INPP4B: variants seen among roughly 807,000 people sequenced by gnomAD.
INPP4B encodes inositol polyphosphate 4-phosphatase type II.
Under a neutral mutation model 122.5 loss-of-function variants are expected in INPP4B, and 55 were observed. The observed-to-expected ratio is 0.45, with a 90% CI of 0.36 to 0.56. The LOEUF is 0.56. INPP4B is among the 20% of genes least tolerant of loss of function. The pLI is 0.00. For synonymous variants in INPP4B, 403 were observed against 388.7 expected, an observed-to-expected ratio of 1.04 and a Z score of -0.43; for missense variants, 1,000 against 1,097.7, an observed-to-expected ratio of 0.91 and a Z score of 1.26.
chr4:142,301,216 C>G (rs1053575782), intron 9 of INPP4B, among the ~76,000 whole-genome samples: 1 of 152,112 alleles, frequency 6.6e-6, no homozygotes, highest in Non-Finnish European at 1.5e-5. Context: ...GCTAGCATTA[C>G]ATTTAGCATC....
At chr4:142,443,248 T>C (rs1024731594) in intron 3 of INPP4B, among the ~76,000 whole-genome samples, 8 of 152,148 alleles carry the variant, frequency 5.3e-5, no homozygotes, top group Non-Finnish European at 7.4e-5. Context: ...CTAAAGGGTC[T>C]TCTTTATGGA....
At chr4:142,467,451 GCCAATTTTT>G in intron 2 of INPP4B, among the ~76,000 whole-genome samples, 1 of 152,060 alleles carries the variant, frequency 6.6e-6, no homozygotes. Flanking sequence ...CCCCTTTTTG[GCCAATTTTT>G]CCCCTTTTGG....
intron 11 of INPP4B, among the ~76,000 whole-genome samples, chr4:142,249,978 ATAAT>A (rs1236898808): frequency 6.6e-6 from 1 of 152,232 alleles, no homozygotes; most frequent in Non-Finnish European, 1.5e-5. Context: ...AAATAAGCAA[ATAAT>A]TAGAGATAAG....
At chr4:142,561,641 G>A (rs1180512763) in intron 2 of INPP4B, among the ~76,000 whole-genome samples, 2 of 151,922 alleles carry the variant, frequency 1.3e-5, no homozygotes, top group Non-Finnish European at 2.9e-5. Context: ...GGCTGGTCTC[G>A]AACTCCTGAA....
chr4:142,452,469 A>G (rs1482672476), intron 3 of INPP4B, among the ~76,000 whole-genome samples: 1 of 152,196 alleles, frequency 6.6e-6, no homozygotes, highest in Non-Finnish European at 1.5e-5. Flanking sequence ...TGGAATCTCC[A>G]TCTGTTCTTT....
intron 1 of INPP4B, among the ~76,000 whole-genome samples, chr4:142,815,417 A>G (rs1780000177): frequency 6.6e-6 from 1 of 152,202 alleles, no homozygotes; most frequent in Non-Finnish European, 1.5e-5. Context: ...TGTGCAATGC[A>G]TGGAAACTCT....
At chr4:142,143,776 T>C (rs1809127329) in intron 18 of INPP4B, among the ~76,000 whole-genome samples, 2 of 152,082 alleles carry the variant, frequency 1.3e-5, no homozygotes, top group Admixed American at 1.3e-4. Flanking sequence ...ATTACAGCAC[T>C]ATGATAGTAC....
intron 2 of INPP4B, among the ~76,000 whole-genome samples, chr4:142,606,726 G>A (rs1025125508): frequency 2.0e-5 from 3 of 152,054 alleles, no homozygotes; most frequent in Admixed American, 1.3e-4. Context: ...GGAAGCTGCT[G>A]GCAATGTTTC....
chr4:142,290,110 C>T (rs1313024003), intron 9 of INPP4B, among the ~76,000 whole-genome samples: 1 of 151,066 alleles, frequency 6.6e-6, no homozygotes. Context: ...AAGCTTTACT[C>T]AGAGTAAAGG....
At chr4:142,051,834 C>G (rs1754775842) in intron 25 of INPP4B, among the ~76,000 whole-genome samples, 1 of 151,870 alleles carries the variant, frequency 6.6e-6, no homozygotes, top group Non-Finnish European at 1.5e-5. Flanking sequence ...ATTTAGATAT[C>G]ATTTTGTTTT....
At chr4:142,215,087 A>G (rs746823922) in intron 12 of INPP4B, among the ~76,000 whole-genome samples, 3 of 152,200 alleles carry the variant, frequency 2.0e-5, no homozygotes, top group Non-Finnish European at 4.4e-5. Flanking sequence ...CAGAGTTCAT[A>G]TAAGATTCAT....
intron 1 of INPP4B, among the ~76,000 whole-genome samples, chr4:142,756,901 A>G (rs769372883): frequency 4.6e-5 from 7 of 152,122 alleles, no homozygotes; most frequent in Non-Finnish European, 1.0e-4. Flanking sequence ...GTCCCAGAAA[A>G]TGTAGTGTAC....
chr4:142,537,797 A>T (rs1162484604), intron 2 of INPP4B, among the ~76,000 whole-genome samples: 2 of 149,912 alleles, frequency 1.3e-5, no homozygotes, highest in African/African-American at 2.5e-5. Flanking sequence ...GGAGGGGGAA[A>T]ATATAAAAAG....
intron 2 of INPP4B, among the ~76,000 whole-genome samples, chr4:142,709,634 T>C (rs1762876129): frequency 1.3e-5 from 2 of 152,168 alleles, no homozygotes; most frequent in South Asian, 2.1e-4. Context: ...GAGTGTAAGT[T>C]TCCTGAGGCC....
At chr4:142,167,231 T>C (rs1823232560) in intron 16 of INPP4B, among the ~76,000 whole-genome samples, 1 of 151,838 alleles carries the variant, frequency 6.6e-6, no homozygotes, top group Non-Finnish European at 1.5e-5. Flanking sequence ...AACAAGATCA[T>C]GTCCTTTGCA....
chr4:142,617,104 A>G (rs960335188), intron 2 of INPP4B, among the ~76,000 whole-genome samples: 1 of 152,144 alleles, frequency 6.6e-6, no homozygotes, highest in African/African-American at 2.4e-5. Context: ...TAGAATAAAA[A>G]TTTAAAAAAT....
intron 2 of INPP4B, among the ~76,000 whole-genome samples, chr4:142,609,187 T>C (rs1364923): frequency 0.59 from 89,503 of 150,848 alleles, 27,857 homozygotes; most frequent in East Asian, 0.79. Context: ...ATGGAAAATA[T>C]TATTAAATAT....
chr4:142,077,444 A>T (rs1366293985), intron 25 of INPP4B, among the ~76,000 whole-genome samples: 1 of 152,044 alleles, frequency 6.6e-6, no homozygotes, highest in African/African-American at 2.4e-5. Context: ...TTATAGAGGC[A>T]TTAAATTTCC....
chr4:142,612,655 G>A (rs779857829), intron 2 of INPP4B, among the ~76,000 whole-genome samples: 5 of 152,050 alleles, frequency 3.3e-5, no homozygotes, highest in Admixed American at 6.5e-5. Context: ...TTTTTGCACC[G>A]ACCAATATAG....
Sources: allele counts gnomAD v4.1 joint callset (sites outside exome capture counted in the v4.1 genomes callset), GRCh38; gene constraint gnomAD v4.1.1; transcripts MANE v1.5; gene names NCBI Gene and HGNC (gene_info 2026-07-23, HGNC 2026-07-21).